Variants in ARHGEF28 observed in about 807,000 individuals in gnomAD.
ARHGEF28 encodes Rho guanine nucleotide exchange factor 28, also known as 190 kDa guanine nucleotide exchange factor.
In ARHGEF28, 152 loss-of-function variants were observed where a neutral mutation model predicts 206.6. The ratio of observed to expected loss-of-function variants is 0.74; its 90% CI spans 0.64 to 0.84. ARHGEF28 has a LOEUF of 0.84. Ranked by LOEUF, ARHGEF28 falls within the 40% of genes least tolerant of loss-of-function variation. The pLI, the probability that ARHGEF28 is intolerant of heterozygous loss-of-function variation, is 0.00. For synonymous variants in ARHGEF28, 763 were observed against 776.4 expected (o/e 0.98, Z 0.29); for missense variants, 2,028 against 2,073.2 (o/e 0.98, Z 0.42).
At chr5:73,840,849 G>T in intron 11 of ARHGEF28, 89 bp downstream of exon 11, 1 of 1,351,182 alleles carries the variant, frequency 7.4e-7, no homozygotes, top group Admixed American at 2.7e-5. Context: ...ACTTTTTATT[G>T]TCTCTACCAC....
At chr5:73,928,380 C>T (rs1763932891) in intron 35 of ARHGEF28, among the ~76,000 whole-genome samples, 1 of 152,192 alleles carries the variant, frequency 6.6e-6, no homozygotes. Flanking sequence ...CGCGCCACTG[C>T]ACTCCAGCCT....
chr5:73,816,504 G>C (rs1217820200), intron 9 of ARHGEF28, among the ~76,000 whole-genome samples: 1 of 152,120 alleles, frequency 6.6e-6, no homozygotes, highest in Non-Finnish European at 1.5e-5. Context: ...CTTGAGTTAG[G>C]TCAGAAATAA....
At chr5:73,940,066 T>C (rs1229659048) in intron 35 of ARHGEF28, among the ~76,000 whole-genome samples, 8 of 152,322 alleles carry the variant, frequency 5.3e-5, no homozygotes, top group Admixed American at 3.3e-4. Context: ...TTTTGCCATA[T>C]GGCTGAGCCT....
chr5:73,764,333 G>C (rs1752778865), intron 4 of ARHGEF28, among the ~76,000 whole-genome samples: 2 of 152,172 alleles, frequency 1.3e-5, no homozygotes, highest in African/African-American at 4.8e-5. Context: ...ATTTAGTTTG[G>C]AAATATCCTC....
chr5:73,885,009 T>C (rs1370630968), intron 24 of ARHGEF28, among the ~76,000 whole-genome samples: 1 of 151,978 alleles, frequency 6.6e-6, no homozygotes, highest in Non-Finnish European at 1.5e-5. Flanking sequence ...GAAATTAAAA[T>C]ATTTAATTTT....
intron 33 of ARHGEF28, chr5:73,905,061 G>A (rs115584795): frequency 0.019 from 2,934 of 152,494 alleles, 38 homozygotes; most frequent in Middle Eastern, 0.041. Flanking sequence ...AGGGTGCAGA[G>A]TGTTACCTGT....
At chr5:73,775,713 G>A (rs1753503017) in intron 5 of ARHGEF28, among the ~76,000 whole-genome samples, 2 of 152,288 alleles carry the variant, frequency 1.3e-5, no homozygotes, top group South Asian at 4.1e-4. Context: ...GAGGTATGCT[G>A]TAACCCAAGA....
chr5:73,681,646 T>C (rs913946064), intron 1 of ARHGEF28, among the ~76,000 whole-genome samples: 2 of 151,648 alleles, frequency 1.3e-5, no homozygotes, highest in African/African-American at 4.9e-5. Flanking sequence ...GAACCTTGTC[T>C]CTCCTAAAAA....
At chr5:73,846,526 G>T (rs961163226) in intron 12 of ARHGEF28, 51 bp downstream of exon 12, 4 of 1,545,192 alleles carry the variant, frequency 2.6e-6, no homozygotes, top group Non-Finnish European at 3.6e-6. Context: ...AGAATATGTT[G>T]TCTGCATTTA....
At chr5:73,663,746 T>A (rs901592780) in intron 1 of ARHGEF28, among the ~76,000 whole-genome samples, 1 of 152,202 alleles carries the variant, frequency 6.6e-6, no homozygotes, top group African/African-American at 2.4e-5. Context: ...AAATATTTGT[T>A]AGTTGAAGAT....
At chr5:73,881,154 C>G (rs576919928) in intron 22 of ARHGEF28, among the ~76,000 whole-genome samples, 1 of 152,016 alleles carries the variant, frequency 6.6e-6, no homozygotes, top group East Asian at 1.9e-4. Context: ...ATCTGGGTTA[C>G]CATTTTGTTT....
At chr5:73,937,740 T>A (rs1764497170) in intron 35 of ARHGEF28, among the ~76,000 whole-genome samples, 1 of 152,156 alleles carries the variant, frequency 6.6e-6, no homozygotes, top group South Asian at 2.1e-4. Context: ...GCTTTCTGAG[T>A]CAGTGAGGTT....
intron 11 of ARHGEF28, among the ~76,000 whole-genome samples, chr5:73,842,921 A>G (rs1445253703): frequency 6.6e-6 from 1 of 151,732 alleles, no homozygotes; most frequent in Non-Finnish European, 1.5e-5. Flanking sequence ...CGGGAGGCAC[A>G]GATTTCAGTG....
chr5:73,931,587 A>G (rs1234934891), intron 35 of ARHGEF28, among the ~76,000 whole-genome samples: 1 of 152,042 alleles, frequency 6.6e-6, no homozygotes, highest in Non-Finnish European at 1.5e-5. Context: ...TTTAACTCCT[A>G]CTATTCCATT....
intron 1 of ARHGEF28, among the ~76,000 whole-genome samples, chr5:73,657,916 C>A (rs2112181364): frequency 6.6e-6 from 1 of 152,298 alleles, no homozygotes; most frequent in Non-Finnish European, 1.5e-5. Flanking sequence ...ATCTTCTGGG[C>A]TGCTGAGACC....
intron 1 of ARHGEF28, among the ~76,000 whole-genome samples, chr5:73,669,446 A>G (rs894852559): frequency 1.1e-4 from 16 of 152,306 alleles, no homozygotes; most frequent in South Asian, 6.2e-4. Context: ...AATTCCCCCA[A>G]TGGAAACATT....
intron 3 of ARHGEF28, among the ~76,000 whole-genome samples, chr5:73,750,952 C>T (rs1185730860): frequency 2.0e-5 from 3 of 152,222 alleles, no homozygotes; most frequent in Non-Finnish European, 4.4e-5. Flanking sequence ...GCAAACAACA[C>T]AGACACAGTG....
intron 2 of ARHGEF28, among the ~76,000 whole-genome samples, chr5:73,696,552 A>G (rs1748229078): frequency 1.3e-5 from 2 of 152,164 alleles, no homozygotes; most frequent in South Asian, 4.1e-4. Context: ...TGTCCCTTCT[A>G]TTGTAAGCAC....
At position 73,941,144 on chromosome 5, in the gene ARHGEF28, A is replaced by G; in HGVS notation, c.*131A>G. On this transcript the variant is annotated 3_prime_UTR_variant, in exon 36 of 36. Transcript: ENST00000513042. ...AAGAATAATATTTAATATTTCCTGG[A>G]AGCTCATTTTTTTGGCATGAGTCTA... 1 of 966,194 alleles carries G rather than the reference A, an allele frequency of 1.0e-6. No individual in the cohort carries two copies. Among genetic ancestry groups the G allele is most frequent in the Non-Finnish European group, 1.4e-6 (1 of 735,776 alleles). 59.9% of individuals were successfully genotyped at this position (966,194 alleles called of 1,614,324 possible).
Sources: allele counts gnomAD v4.1 joint callset (sites outside exome capture counted in the v4.1 genomes callset), GRCh38; gene constraint gnomAD v4.1.1; transcripts MANE v1.5; gene names NCBI Gene and HGNC (gene_info 2026-07-23, HGNC 2026-07-21).